The following TOR1AIP2 variants were observed in gnomAD, a reference collection of about 807,000 sequenced individuals.
TOR1AIP2 encodes the protein torsin-1A-interacting protein 2.
Under a neutral mutation model 32.6 loss-of-function variants are expected in TOR1AIP2, and 20 were observed. That is an observed-to-expected ratio of 0.61 (90% CI 0.43 to 0.89). TOR1AIP2 has a LOEUF of 0.89. Among genes scored for constraint, TOR1AIP2 ranks in the 40% least tolerant of loss-of-function variants. TOR1AIP2 has a pLI of 0.00. For synonymous variants in TOR1AIP2, 214 were observed against 210.8 expected (o/e 1.02, Z -0.13); for missense variants, 456 against 553.8 (o/e 0.82, Z 1.77).
intron 3 of TOR1AIP2, among the ~76,000 whole-genome samples, chr1:179,858,759 G>T (rs1696403161): frequency 6.6e-6 from 1 of 152,156 alleles, no homozygotes; most frequent in Non-Finnish European, 1.5e-5. Context: ...AATCAGAGCT[G>T]GGAGAGCAAA....
chr1:179,860,172 A>T, intron 3 of TOR1AIP2: 1 of 985,312 alleles, frequency 1.0e-6, no homozygotes, highest in Non-Finnish European at 1.2e-6. Flanking sequence ...ATCAGTTCAA[A>T]CAATTGGCTT....
At chr1:179,871,344 T>G (rs1404757847) in intron 2 of TOR1AIP2, among the ~76,000 whole-genome samples, 1 of 152,130 alleles carries the variant, frequency 6.6e-6, no homozygotes, top group Non-Finnish European at 1.5e-5. Flanking sequence ...AAAAGAAAAT[T>G]TAGAAAAGAA....
At chr1:179,873,813 A>T (rs2148460038) in intron 2 of TOR1AIP2, 1 of 152,346 alleles carries the variant, frequency 6.6e-6, no homozygotes, top group Non-Finnish European at 1.5e-5. Flanking sequence ...GTCCAATACT[A>T]TCATTATTCA....
intron 3 of TOR1AIP2, among the ~76,000 whole-genome samples, chr1:179,858,145 G>A (rs528864206): frequency 1.5e-3 from 228 of 151,552 alleles, no homozygotes; most frequent in African/African-American, 4.4e-3. Context: ...ACCCTGTCTC[G>A]GGGGAAAAAA....
At chr1:179,864,281 TTATA>T in intron 3 of TOR1AIP2, 4 of 984,872 alleles carry the variant, frequency 4.1e-6, no homozygotes, top group Non-Finnish European at 4.8e-6. Flanking sequence ...ATCTATCTAT[TTATA>T]TATATATCTC....
intron 5 of TOR1AIP2, among the ~76,000 whole-genome samples, chr1:179,848,769 G>A (rs1454677337): frequency 1.3e-5 from 2 of 152,136 alleles, no homozygotes; most frequent in African/African-American, 4.8e-5. Flanking sequence ...ACCTACTCCG[G>A]CCCCATTACT....
chr1:179,846,149 C>A lies in TOR1AIP2; in HGVS notation c.1335G>T (p.Gly445=). ...FNHMDSDKLS[G]LWSRISHLVL... Reference sequence around the variant, plus strand: ...CCAGGTGTGAAATTCGGCTCCACAGCCCACTCAATTTGTCTGAGTCCATGT... The same window carrying A: ...CCAGGTGTGAAATTCGGCTCCACAGACCACTCAATTTGTCTGAGTCCATGT... The change falls in exon 7 of 7, where the codon GGG becomes GGT. Residue 445 remains glycine, a synonymous_variant. Coordinates refer to ENST00000609928, the MANE Select transcript of TOR1AIP2 (RefSeq NM_001199260.2). 2 of 1,614,194 alleles carry A rather than the reference C, an allele frequency of 1.2e-6. No homozygotes were observed. Among genetic ancestry groups the A allele is most frequent in the South Asian group, 1.1e-5 (1 of 91,082 alleles).
At chr1:179,876,759 G>A (rs1647344619) in intron 2 of TOR1AIP2, among the ~76,000 whole-genome samples, 1 of 152,102 alleles carries the variant, frequency 6.6e-6, no homozygotes, top group African/African-American at 2.4e-5. Context: ...AACAAAGCCA[G>A]TATGTTTAAT....
At chr1:179,874,234 T>C (rs1039432135) in intron 2 of TOR1AIP2, 1 of 152,210 alleles carries the variant, frequency 6.6e-6, no homozygotes, top group Non-Finnish European at 1.5e-5. Flanking sequence ...TTTTAACAGA[T>C]TTGCCAGATG....
chr1:179,841,765 TAA>T lies in TOR1AIP2; in HGVS notation c.*4304_*4305del, dbSNP rs1695723924. On this transcript the variant is annotated 3_prime_UTR_variant, in exon 7 of 7. Transcript: ENST00000609928. ...GTGCCAGAGACCTGCCTATGTCGCATAAAGTTTGGTCAGATATATGCAAATGC... is the reference window on the plus strand; with the variant it reads ...GTGCCAGAGACCTGCCTATGTCGCATAGTTTGGTCAGATATATGCAAATGC... The T allele has an allele frequency of 6.6e-6, 1 of 152,286 alleles. No homozygotes were observed. Among genetic ancestry groups the T allele is most frequent in the Non-Finnish European group, 1.5e-5 (1 of 68,050 alleles). 9.4% of individuals were successfully genotyped at this position (152,286 alleles called of 1,614,324 possible).
chr1:179,862,080 A>G (rs1045124397), intron 3 of TOR1AIP2: 35 of 985,286 alleles, frequency 3.6e-5, no homozygotes, highest in South Asian at 4.7e-5. Flanking sequence ...AGACCAAGAA[A>G]TCTCCATTTT....
At chr1:179,861,392 A>G in intron 3 of TOR1AIP2, 1 of 985,362 alleles carries the variant, frequency 1.0e-6, no homozygotes, top group Non-Finnish European at 1.2e-6. Flanking sequence ...GGCTTCCTCA[A>G]TTTTCTCCTT....
chr1:179,864,521 A>G lies in TOR1AIP2; in HGVS notation c.-147+915T>C, dbSNP rs114541709. On this transcript the variant is annotated intron_variant, in intron 3 of 6. Transcript: ENST00000609928. ...TTTTTAGGAGTGGTAAGTTAGTTCC[A>G]AAACAGTTTATAGGAAATACGGATT... is the stretch of plus-strand genomic sequence containing the variant. 63 of 1,178,714 alleles carry G rather than the reference A, an allele frequency of 5.3e-5. No homozygotes were observed. The African/African-American group carries it at 6.3e-4, about 12-fold the overall frequency. 73.0% of individuals were successfully genotyped at this position (1,178,714 alleles called of 1,614,324 possible). A position where few individuals can be genotyped will look rare whatever the true frequency, so the allele number is the denominator to read the frequency against.
At chr1:179,859,083 T>C (rs1310804649) in intron 3 of TOR1AIP2, 1 of 984,302 alleles carries the variant, frequency 1.0e-6, no homozygotes, top group Non-Finnish European at 1.2e-6. Flanking sequence ...TAGTGAATGA[T>C]GCCATTTTAG....
chr1:179,873,486 G>C (rs77567365), intron 2 of TOR1AIP2, among the ~76,000 whole-genome samples: 3,196 of 152,260 alleles, frequency 0.021, 121 homozygotes, highest in African/African-American at 0.072. Context: ...TGATGTCCTT[G>C]TCTCATTACT....
At chr1:179,856,217 T>C (rs1219784268) in intron 3 of TOR1AIP2, among the ~76,000 whole-genome samples, 1 of 152,162 alleles carries the variant, frequency 6.6e-6, no homozygotes, top group African/African-American at 2.4e-5. Flanking sequence ...GAGGTGGTGG[T>C]TCCATTTGTT....
chr1:179,852,743 C>T lies in TOR1AIP2; in HGVS notation c.-78G>A. 1 of 1,605,374 alleles carries T rather than the reference C, an allele frequency of 6.2e-7. No individual in the cohort carries two copies. Among genetic ancestry groups the T allele is most frequent in the Non-Finnish European group, 8.5e-7 (1 of 1,175,022 alleles). On this transcript the variant is annotated 5_prime_UTR_variant, in exon 4 of 7. Coordinates refer to ENST00000609928, the MANE Select transcript of TOR1AIP2 (RefSeq NM_001199260.2). ...TTTCCTTGTGAAGATGTCTTGTTTT[C>T]TTCTTGTCCCAAGTCCCAACAGACT...
intron 5 of TOR1AIP2, among the ~76,000 whole-genome samples, chr1:179,850,125 T>C (rs893168241): frequency 7.2e-5 from 11 of 152,210 alleles, no homozygotes; most frequent in African/African-American, 2.4e-4. Flanking sequence ...GTTAGAAGAA[T>C]GTTTGGATAT....
chr1:179,846,881 A>G, intron 6 of TOR1AIP2, 53 bp from the exon 7 acceptor site: 2 of 1,513,554 alleles, frequency 1.3e-6, no homozygotes, highest in Non-Finnish European at 1.8e-6. Flanking sequence ...CGAGCCAGAA[A>G]CAAAGCCTGT....
Sources: allele counts gnomAD v4.1 joint callset (sites outside exome capture counted in the v4.1 genomes callset), GRCh38; gene constraint gnomAD v4.1.1; transcripts MANE v1.5; gene names NCBI Gene and HGNC (gene_info 2026-07-23, HGNC 2026-07-21).